Variants in LDLRAP1 observed in about 807,000 individuals in gnomAD.
The protein encoded by LDLRAP1 is low density lipoprotein receptor adaptor protein 1.
In LDLRAP1, 30 loss-of-function variants were observed where a neutral mutation model predicts 37.8. The ratio of observed to expected loss-of-function variants is 0.79; its 90% CI spans 0.59 to 1.08. LDLRAP1 has a LOEUF of 1.08. LDLRAP1 is among the 50% of genes least tolerant of loss of function. The pLI is 0.00. For missense variants in LDLRAP1, 375 were observed against 401.6 expected (o/e 0.93, Z 0.57); for synonymous variants, 156 against 169.8 (o/e 0.92, Z 0.63).
intron 6 of LDLRAP1, 70 bp downstream of exon 6, chr1:25,563,223 C>T (rs1225433904): frequency 7.6e-7 from 1 of 1,323,664 alleles, no homozygotes; most frequent in Non-Finnish European, 1.1e-6. Context: ...GGGGGTCCCA[C>T]TCCTGCCTGG....
At chr1:25,582,170 A>G in the LDLRAP1 span, among the ~76,000 whole-genome samples, 1 of 152,220 alleles carries the variant, frequency 6.6e-6, no homozygotes, top group Admixed American at 6.5e-5. Flanking sequence ...GAAGCTCTTC[A>G]TTCTTTCATC....
chr1:25,570,394 T>C (rs2044588003), downstream of LDLRAP1, among the ~76,000 whole-genome samples: 2 of 152,132 alleles, frequency 1.3e-5, no homozygotes, highest in South Asian at 2.1e-4. Flanking sequence ...ACTGGGTGGA[T>C]GTTGGGGTCT....
chr1:25,579,718 C>T, the LDLRAP1 span, among the ~76,000 whole-genome samples: 1 of 152,192 alleles, frequency 6.6e-6, no homozygotes, highest in Non-Finnish European at 1.5e-5. Context: ...CGACTCAGAC[C>T]CTCGAAGCTC....
rs754749143 is a variant in LDLRAP1 at position 25,554,911 on chromosome 1, C to T, written c.283C>T (p.Arg95Trp). The T allele has an allele frequency of 1.5e-5, 25 of 1,614,084 alleles. No individual in the cohort carries two copies. In the East Asian group the frequency reaches 2.0e-4, roughly 13 times the overall value. The change falls in exon 3 of 9, where the codon CGG becomes TGG. Residue 95 changes from arginine to tryptophan, a missense_variant. Arg to Trp is a moderately radical substitution (Grantham distance 101, BLOSUM62 -3). Transcript: ENST00000374338. The surrounding 1 kb of genome is among the most constrained non-coding windows in gnomAD (Gnocchi z 5.4). ...GAAGGTGACTCTGAAGGTGTCGCCA[C>T]GGGGAATTATCCTGACAGACAACCT... is the stretch of plus-strand genomic sequence containing the variant. ...LQKVTLKVSPRGIILTDNLTN... is the reference protein window; with the variant it reads ...LQKVTLKVSPWGIILTDNLTN...
chr1:25,576,680 C>T, the LDLRAP1 span, among the ~76,000 whole-genome samples: 4 of 152,256 alleles, frequency 2.6e-5, no homozygotes, highest in Admixed American at 2.6e-4. Context: ...ACAGGCCACA[C>T]AGCCAGAAAG....
At chr1:25,565,118 G>T in intron 7 of LDLRAP1, 55 bp from the exon 8 acceptor site, 1 of 1,590,428 alleles carries the variant, frequency 6.3e-7, no homozygotes, top group South Asian at 1.1e-5. Context: ...AGCCCCAGCT[G>T]TGAGCATGGG....
chr1:25,564,335 A>G (rs1051738719), intron 7 of LDLRAP1: 2 of 186,246 alleles, frequency 1.1e-5, no homozygotes, highest in East Asian at 2.7e-4. Context: ...GTGTTACAAA[A>G]TTAGTACAGA....
At chr1:25,581,576 G>A in the LDLRAP1 span, 1 of 152,338 alleles carries the variant, frequency 6.6e-6, no homozygotes, top group African/African-American at 2.4e-5. Flanking sequence ...CCTCCAACTA[G>A]GGCACCTGAA....
intron 5 of LDLRAP1, 117 bp from the exon 6 acceptor site, chr1:25,562,953 C>T: frequency 2.9e-6 from 3 of 1,029,326 alleles, no homozygotes; most frequent in South Asian, 2.5e-5. Flanking sequence ...TTCCTCCCGG[C>T]TGGAAACCTG....
chr1:25,568,782 G>C lies in LDLRAP1; in HGVS notation c.*1790G>C, dbSNP rs2044553599. The C allele has an allele frequency of 6.6e-6, 1 of 152,274 alleles. No homozygotes were observed. The highest frequency in any genetic ancestry group is 1.5e-5 in the Non-Finnish European group (1 of 68,050). The allele number at this position is 152,274 out of a possible 1,614,324, so 9.4% of individuals were successfully genotyped here. A position where few individuals can be genotyped will look rare whatever the true frequency, so the allele number is the denominator to read the frequency against. On this transcript the variant is annotated 3_prime_UTR_variant, in exon 9 of 9. Transcript: ENST00000374338. ...CGTCTCCATCTCTGGTTGACGGGCTGTCCGTGTGCCTCCTGTGTGTCTGCA... is the reference window on the plus strand; with the variant it reads ...CGTCTCCATCTCTGGTTGACGGGCTCTCCGTGTGCCTCCTGTGTGTCTGCA...
chr1:25,588,577 T>A, the LDLRAP1 span, among the ~76,000 whole-genome samples: 1 of 152,150 alleles, frequency 6.6e-6, no homozygotes, highest in Admixed American at 6.6e-5. Flanking sequence ...CTGCTGACCC[T>A]CTCTCCACTA....
intron 4 of LDLRAP1, among the ~76,000 whole-genome samples, chr1:25,558,749 T>C (rs1169588423): frequency 6.6e-6 from 1 of 152,210 alleles, no homozygotes; most frequent in Admixed American, 6.5e-5. Flanking sequence ...TAATCTGGGA[T>C]AATCTCCATC....
chr1:25,559,323 G>C (rs1003043669), intron 4 of LDLRAP1, among the ~76,000 whole-genome samples: 13 of 152,148 alleles, frequency 8.5e-5, no homozygotes, highest in East Asian at 1.9e-4. Context: ...GGGATGAGGG[G>C]TCTGGGAGTA....
At chr1:25,577,898 G>A in the LDLRAP1 span, among the ~76,000 whole-genome samples, 3 of 152,232 alleles carry the variant, frequency 2.0e-5, no homozygotes, top group Non-Finnish European at 2.9e-5. Context: ...ACGTCAGTGC[G>A]TGTGCACCAG....
intron 4 of LDLRAP1, among the ~76,000 whole-genome samples, chr1:25,557,930 G>A (rs2044248359): frequency 6.6e-6 from 1 of 151,866 alleles, no homozygotes; most frequent in Admixed American, 6.6e-5. Context: ...ACTCCCAGAG[G>A]CCAGCTATCT....
rs1484477258 is a variant in LDLRAP1 at position 25,555,109 on chromosome 1, T to G, written c.344+137T>G. 5 of 733,510 alleles carry G rather than the reference T, an allele frequency of 6.8e-6. No individual in the cohort carries two copies. The highest frequency in any genetic ancestry group is 1.7e-5 in the African/African-American group (1 of 57,664). 45.4% of individuals were successfully genotyped at this position (733,510 alleles called of 1,614,324 possible). On this transcript the variant is annotated intron_variant, in intron 3 of 8. Coordinates refer to ENST00000374338, the MANE Select transcript of LDLRAP1 (RefSeq NM_015627.3). This position sits in a 1 kb window ranked among gnomAD's most constrained non-coding sequence, Gnocchi z 4.7. ...AGTTTCCTCATCTGTAAAATGGGGG[T>G]GGGAACAGATCCTGCTGCACAGCGC...
downstream of LDLRAP1, among the ~76,000 whole-genome samples, chr1:25,570,815 G>C (rs1349499546): frequency 6.6e-6 from 1 of 151,964 alleles, no homozygotes; most frequent in Admixed American, 6.6e-5. Flanking sequence ...GCCGAGATCG[G>C]GCCACTACAC....
At chr1:25,583,079 A>C in the LDLRAP1 span, among the ~76,000 whole-genome samples, 6 of 152,020 alleles carry the variant, frequency 3.9e-5, no homozygotes, top group African/African-American at 7.2e-5. Flanking sequence ...CAAAAAAAAA[A>C]ACAAAAATTC....
chr1:25,547,432 G>A (rs112935151), intron 1 of LDLRAP1, among the ~76,000 whole-genome samples: 3 of 151,774 alleles, frequency 2.0e-5, no homozygotes, highest in Non-Finnish European at 2.9e-5. Context: ...GCAGTGAGCC[G>A]GGATCACGCC....
Sources: allele counts gnomAD v4.1 joint callset (sites outside exome capture counted in the v4.1 genomes callset), GRCh38; gene constraint gnomAD v4.1.1; non-coding constraint Gnocchi (gnomAD v3.1); transcripts MANE v1.5; gene names NCBI Gene and HGNC (gene_info 2026-07-23, HGNC 2026-07-21).